Variants in CCDC171 observed in about 807,000 individuals in gnomAD.
The protein encoded by CCDC171 is coiled-coil domain-containing protein 171.
Under a neutral mutation model 168.2 loss-of-function variants are expected in CCDC171, and 177 were observed. That is an observed-to-expected ratio of 1.05 (90% confidence interval 0.93 to 1.19). The LOEUF (loss-of-function observed/expected upper bound fraction) is 1.19. CCDC171 is among the 50% of genes most tolerant of loss of function. CCDC171 has a pLI of 0.00. For synonymous variants in CCDC171, 687 were observed against 540.8 expected, an observed-to-expected ratio of 1.27 and a Z score of -3.75; for missense variants, 1,991 against 1,539.0, an observed-to-expected ratio of 1.29 and a Z score of -4.91.
chr9:15,612,946 A>G (rs1028038440), intron 6 of CCDC171, among the ~76,000 whole-genome samples: 5 of 152,180 alleles, frequency 3.3e-5, no homozygotes, highest in African/African-American at 1.2e-4. Context: ...TACTCAACTG[A>G]TGTAGTGGGT....
At chr9:15,874,909 G>T (rs939118678) in intron 24 of CCDC171, 6 of 283,916 alleles carry the variant, frequency 2.1e-5, no homozygotes, top group Non-Finnish European at 3.8e-5. Flanking sequence ...TGTGTTTTAT[G>T]GCAAAGTACA....
At chr9:15,836,586 C>T (rs974144784) in intron 21 of CCDC171, among the ~76,000 whole-genome samples, 3 of 152,092 alleles carry the variant, frequency 2.0e-5, no homozygotes, top group African/African-American at 7.2e-5. Flanking sequence ...CTCCTGACCT[C>T]GTGATCCGCC....
the CCDC171 span, among the ~76,000 whole-genome samples, chr9:16,069,616 A>G: frequency 1.3e-5 from 2 of 152,360 alleles, no homozygotes; most frequent in South Asian, 2.1e-4. Flanking sequence ...AATTTATAAT[A>G]GATTAGCTTA....
At chr9:15,705,001 G>T (rs577171383) in intron 11 of CCDC171, among the ~76,000 whole-genome samples, 18 of 152,086 alleles carry the variant, frequency 1.2e-4, no homozygotes, top group South Asian at 4.1e-4. Context: ...AAGTTCTGGG[G>T]ATCTAATGTA....
At chr9:15,615,103 A>G (rs538422079) in intron 6 of CCDC171, among the ~76,000 whole-genome samples, 1 of 152,320 alleles carries the variant, frequency 6.6e-6, no homozygotes, top group East Asian at 1.9e-4. Context: ...AGTTATGAAT[A>G]TATATGCAAA....
At chr9:15,850,700 CAG>C (rs2061087225) in intron 23 of CCDC171, among the ~76,000 whole-genome samples, 1 of 151,904 alleles carries the variant, frequency 6.6e-6, no homozygotes, top group African/African-American at 2.4e-5. Flanking sequence ...GGAGGTGGCC[CAG>C]AGAGTCCTCT....
At chr9:15,734,219 T>G (rs1299252402) in intron 16 of CCDC171, among the ~76,000 whole-genome samples, 1 of 152,212 alleles carries the variant, frequency 6.6e-6, no homozygotes, top group Non-Finnish European at 1.5e-5. Context: ...ATCATTTTAA[T>G]TATCTGTAAA....
chr9:15,628,784 T>C (rs2045405291), intron 7 of CCDC171, among the ~76,000 whole-genome samples: 1 of 152,110 alleles, frequency 6.6e-6, no homozygotes, highest in East Asian at 1.9e-4. Context: ...CACCCCCCAG[T>C]AGAGGCAGAC....
chr9:15,851,002 C>CT (rs1456772143), intron 23 of CCDC171, among the ~76,000 whole-genome samples: 2 of 151,932 alleles, frequency 1.3e-5, no homozygotes, highest in Admixed American at 1.3e-4. Context: ...TAGAATAAAA[C>CT]TAAGTCTTAC....
chr9:15,595,523 T>C (rs392627), intron 6 of CCDC171, among the ~76,000 whole-genome samples: 8,343 of 152,126 alleles, frequency 0.055, 275 homozygotes, highest in African/African-American at 0.09. Context: ...GTATATGTGC[T>C]GCATTTTCTT....
chr9:15,966,752 T>A (rs1281480298), intron 25 of CCDC171, among the ~76,000 whole-genome samples: 3 of 152,186 alleles, frequency 2.0e-5, no homozygotes, highest in Non-Finnish European at 4.4e-5. Flanking sequence ...GTCAAACTAG[T>A]CTGTACTAAG....
At chr9:16,048,970 C>T (rs1273101758) in intron 1 of CCDC171, among the ~76,000 whole-genome samples, 1 of 144,446 alleles carries the variant, frequency 6.9e-6, no homozygotes. Context: ...AAAACCCAAA[C>T]ACCATAATCC....
chr9:15,689,933 A>C (rs758401724), intron 10 of CCDC171, among the ~76,000 whole-genome samples: 2 of 152,210 alleles, frequency 1.3e-5, no homozygotes, highest in African/African-American at 4.8e-5. Flanking sequence ...AAAGGGTGTT[A>C]AGTCAATTCA....
At chr9:16,081,347 G>A in the CCDC171 span, among the ~76,000 whole-genome samples, 16 of 152,176 alleles carry the variant, frequency 1.1e-4, no homozygotes, top group African/African-American at 3.6e-4. Context: ...ACTGGTCAGG[G>A]CTTAAGACAA....
At chr9:15,738,629 T>TCCACCC (rs1364632226) in intron 16 of CCDC171, among the ~76,000 whole-genome samples, 10 of 152,256 alleles carry the variant, frequency 6.6e-5, no homozygotes, top group Middle Eastern at 3.4e-3. Flanking sequence ...GATTTTTTTT[T>TCCACCC]TTAAAGCAAA....
intron 7 of CCDC171, among the ~76,000 whole-genome samples, chr9:15,635,902 C>G (rs2046166603): frequency 1.3e-5 from 2 of 152,114 alleles, no homozygotes; most frequent in Non-Finnish European, 2.9e-5. Context: ...TACATTCCCA[C>G]CAGCAAGGTA....
intron 3 of CCDC171, among the ~76,000 whole-genome samples, chr9:15,982,190 A>C (rs1011782843): frequency 6.0e-5 from 9 of 150,810 alleles, no homozygotes; most frequent in Non-Finnish European, 1.2e-4. Flanking sequence ...AAGATATCAT[A>C]GCACAGACAT....
chr9:15,690,073 A>G (rs1465232613), intron 10 of CCDC171, among the ~76,000 whole-genome samples: 3 of 152,178 alleles, frequency 2.0e-5, no homozygotes, highest in Non-Finnish European at 2.9e-5. Flanking sequence ...CAACAAAAAC[A>G]AAAAGAAATG....
intron 3 of CCDC171, among the ~76,000 whole-genome samples, chr9:15,982,329 G>A (rs1251612339): frequency 2.6e-5 from 4 of 152,190 alleles, no homozygotes; most frequent in African/African-American, 4.8e-5. Context: ...GTGTCCTTAG[G>A]CAAGTTATTT....
Sources: gnomAD v4.1 joint callset for allele counts (sites outside exome capture counted in the v4.1 genomes callset) on GRCh38, gnomAD v4.1.1 for gene constraint, MANE v1.5 for transcripts, NCBI Gene and HGNC (gene_info 2026-07-23, HGNC 2026-07-21) for gene names.